GDA: variants seen among roughly 807,000 people sequenced by gnomAD.
GDA encodes the protein guanine deaminase.
GDA carries 18 observed loss-of-function variants against 59.6 expected under a neutral mutation model. That is an observed-to-expected ratio of 0.30 (90% CI 0.21 to 0.45). The LOEUF is 0.45. GDA is among the 20% of genes least tolerant of loss of function. GDA has a pLI of 1.00. For missense variants in GDA, 427 were observed against 552.3 expected, an observed-to-expected ratio of 0.77 and a Z score of 2.27; for synonymous variants, 201 against 201.1, an observed-to-expected ratio of 1.00 and a Z score of 0.00.
intron 1 of GDA, among the ~76,000 whole-genome samples, chr9:72,187,567 A>G (rs1200207318): frequency 6.6e-6 from 1 of 152,228 alleles, no homozygotes; most frequent in Non-Finnish European, 1.5e-5. Context: ...GTACTAAGAC[A>G]GAAAATTGGT....
At chr9:72,125,351 T>C (rs4745162) in intron 1 of GDA, among the ~76,000 whole-genome samples, 5 of 113,318 alleles carry the variant, frequency 4.4e-5, no homozygotes, top group Admixed American at 3.3e-4. Context: ...TTCCTTCCTC[T>C]CTCTCTCTCT....
upstream of GDA, among the ~76,000 whole-genome samples, chr9:72,146,683 G>A (rs2130670726): frequency 6.6e-6 from 1 of 152,262 alleles, no homozygotes; most frequent in South Asian, 2.1e-4. Context: ...GTAGAGACGG[G>A]GTTTCACCAT....
chr9:72,214,721 C>T lies in GDA; in HGVS notation c.578+730C>T, dbSNP rs1253536320. ...GGTCTATGACTCTAAATTCAAAGTT[C>T]TTTTTTTTTTTTCTTTTCTTTTCTT... On this transcript the variant is annotated intron_variant, in intron 5 of 13. Coordinates refer to ENST00000358399, the MANE Select transcript of GDA (RefSeq NM_004293.5). 2.4e-5 allele frequency: 7 copies of T among 296,644 alleles called. No individual in the cohort carries two copies. In the East Asian group the frequency reaches 3.8e-4, roughly 16 times the overall value. 18.4% of individuals were successfully genotyped at this position (296,644 alleles called of 1,614,324 possible).
At chr9:72,191,699 C>T (rs775894452) in intron 1 of GDA, among the ~76,000 whole-genome samples, 1 of 152,088 alleles carries the variant, frequency 6.6e-6, no homozygotes, top group African/African-American at 2.4e-5. Context: ...GATTCTTTTG[C>T]CTCAGCCTCC....
At chr9:72,163,106 G>C (rs756063110) in intron 1 of GDA, among the ~76,000 whole-genome samples, 1 of 152,188 alleles carries the variant, frequency 6.6e-6, no homozygotes, top group Admixed American at 6.5e-5. Context: ...TAGACATGGA[G>C]AGAAACAGGG....
intron 1 of GDA, among the ~76,000 whole-genome samples, chr9:72,164,819 T>TA (rs1422151703): frequency 1.3e-5 from 2 of 149,466 alleles, no homozygotes; most frequent in Non-Finnish European, 3.0e-5. Context: ...CTGTCTCTAC[T>TA]AAAAATACAA....
intron 6 of GDA, among the ~76,000 whole-genome samples, chr9:72,222,137 T>G (rs1170977646): frequency 6.6e-6 from 1 of 152,248 alleles, no homozygotes; most frequent in Non-Finnish European, 1.5e-5. Flanking sequence ...ATCACCACAT[T>G]GTCTTTCACA....
At chr9:72,199,910 TG>T (rs1833724012) in intron 2 of GDA, among the ~76,000 whole-genome samples, 1 of 152,110 alleles carries the variant, frequency 6.6e-6, no homozygotes, top group Admixed American at 6.6e-5. Context: ...CTTAAGATGT[TG>T]GTTTGTTCTT....
chr9:72,201,284 T>G (rs1196109026), intron 2 of GDA, among the ~76,000 whole-genome samples: 1 of 151,948 alleles, frequency 6.6e-6, no homozygotes, highest in Non-Finnish European at 1.5e-5. Flanking sequence ...CCAGAATGTA[T>G]ACACTTTAAC....
At chr9:72,149,242 G>A, upstream of GDA, 1 of 352,396 alleles carries the variant, frequency 2.8e-6, no homozygotes, top group South Asian at 3.2e-5. Flanking sequence ...GATCTTCTGA[G>A]CCTCAGCTGT....
intron 3 of GDA, among the ~76,000 whole-genome samples, chr9:72,209,571 A>T (rs915719955): frequency 2.0e-5 from 3 of 151,914 alleles, no homozygotes; most frequent in African/African-American, 7.3e-5. Flanking sequence ...CTTATAGATT[A>T]TGTTTCCTCT....
rs561213366 is a variant in GDA at position 72,119,245 on chromosome 9, C to G, written c.-100+4412C>G. 2.0e-5 allele frequency among the ~76,000 whole-genome samples: 3 copies of G among 152,302 alleles called. No individual in the cohort carries two copies. In the South Asian group the frequency reaches 6.2e-4, roughly 32 times the overall value. On this transcript the variant is annotated intron_variant, in intron 1 of 13. Coordinates refer to the GDA transcript ENST00000545168. The stretch of plus-strand genomic sequence containing the variant: ...TTGGGCCAGGCGCAGCGGCTCACAC[C>G]TGCAATCCCAGCACTTCAGGAGGCC...
intron 1 of GDA, among the ~76,000 whole-genome samples, chr9:72,192,302 C>G (rs1402805426): frequency 2.4e-5 from 3 of 126,580 alleles, no homozygotes; most frequent in Non-Finnish European, 4.7e-5. Flanking sequence ...GTCGCGATCT[C>G]GGCTCACTGC....
At chr9:72,131,641 G>A (rs7018505) in intron 1 of GDA, among the ~76,000 whole-genome samples, 68,876 of 151,346 alleles carry the variant, frequency 0.46, 17,776 homozygotes, top group Non-Finnish European at 0.58. Flanking sequence ...AACACACCAC[G>A]TGCACAGACA....
In GDA at chr9:72,251,430, G is replaced by C. The variant is rs933275131; in HGVS notation, c.*3088G>C. 1.3e-5 allele frequency: 2 copies of C among 152,656 alleles called. No individual in the cohort carries two copies. Among genetic ancestry groups the C allele is most frequent in the South Asian group, 2.1e-4 (1 of 4,840 alleles). The allele number at this position is 152,656 out of a possible 1,614,324, so 9.5% of individuals were successfully genotyped here. On this transcript the variant is annotated 3_prime_UTR_variant, in exon 14 of 14. Coordinates refer to ENST00000358399, the MANE Select transcript of GDA (RefSeq NM_004293.5). ...GCACATTGTATCAATTCTACCTTGT[G>C]CTATACGTAGGAGAGATCCAAAATT...
intron 12 of GDA, among the ~76,000 whole-genome samples, chr9:72,245,864 A>G (rs1840087489): frequency 6.6e-6 from 1 of 152,232 alleles, no homozygotes; most frequent in African/African-American, 2.4e-5. Flanking sequence ...TATGGATAAA[A>G]TAAACTAGTT....
intron 1 of GDA, among the ~76,000 whole-genome samples, chr9:72,150,031 A>G (rs1265917270): frequency 1.3e-5 from 2 of 152,092 alleles, no homozygotes. Context: ...TCTTGCTTAA[A>G]TCATCTTTGT....
chr9:72,208,579 A>G (rs970100563), intron 3 of GDA, among the ~76,000 whole-genome samples: 4 of 152,126 alleles, frequency 2.6e-5, no homozygotes, highest in Admixed American at 2.6e-4. Context: ...CCTGCGTTTA[A>G]TGCCCACTCC....
chr9:72,121,317 G>A (rs1000298035), intron 1 of GDA, among the ~76,000 whole-genome samples: 1 of 152,200 alleles, frequency 6.6e-6, no homozygotes, highest in Admixed American at 6.5e-5. Flanking sequence ...TTCTATCTTG[G>A]CTGGGCGCAG....
Sources: gnomAD v4.1 joint callset for allele counts (sites outside exome capture counted in the v4.1 genomes callset) on GRCh38, gnomAD v4.1.1 for gene constraint, MANE v1.5 for transcripts, NCBI Gene and HGNC (gene_info 2026-07-23, HGNC 2026-07-21) for gene names.